INPP4A: variants seen among roughly 807,000 people sequenced by gnomAD.
The protein encoded by INPP4A is inositol polyphosphate-4-phosphatase, type I, 107kD.
Under a neutral mutation model 119.8 loss-of-function variants are expected in INPP4A, and 33 were observed. That is an observed-to-expected ratio of 0.28 (90% CI 0.21 to 0.37). INPP4A has a LOEUF of 0.37. Ranked by LOEUF, INPP4A falls within the 10% of genes least tolerant of loss-of-function variation. The pLI is 1.00. For missense variants in INPP4A, 956 were observed against 1,289.9 expected (o/e 0.74, Z 3.97); for synonymous variants, 496 against 500.7 (o/e 0.99, Z 0.12).
chr2:98,563,535 G>C lies in INPP4A; in HGVS notation c.1926G>C (p.Lys642Asn). 6.2e-7 allele frequency: 1 copy of C among 1,613,944 alleles called. No homozygotes were observed. ...LTDCVAMMSD[K>N]AKKAMVFLLM... is the part of the protein sequence containing the mutation. Reference sequence around the variant, plus strand: ...ACTGCGTGGCCATGATGAGTGACAAGGCCAAGAAGGCCATGGTATTCCTGC... The same window carrying C: ...ACTGCGTGGCCATGATGAGTGACAACGCCAAGAAGGCCATGGTATTCCTGC... The change falls in exon 18 of 25, where the codon AAG becomes AAC. Residue 642 changes from lysine (K) to asparagine (N), a missense_variant. By Grantham distance (94) the Lys-to-Asn change is moderately conservative. Coordinates refer to ENST00000409851, the MANE Select transcript of INPP4A (RefSeq NM_001134225.2).
intron 15 of INPP4A, 72 bp from the exon 16 acceptor site, chr2:98,555,481 C>G (rs913041921): frequency 6.7e-7 from 1 of 1,498,386 alleles, no homozygotes; most frequent in Non-Finnish European, 9.0e-7. Context: ...CAGTGGAGGG[C>G]GATTTGGTTT....
intron 4 of INPP4A, among the ~76,000 whole-genome samples, chr2:98,522,286 C>CAAA (rs199634396): frequency 2.3e-4 from 13 of 56,308 alleles, no homozygotes; most frequent in Admixed American, 5.8e-4. Context: ...GACTCTGTCT[C>CAAA]AAAAAAAAAA....
At chr2:98,563,444 A>T in intron 17 of INPP4A, 21 bp from the exon 18 acceptor site, 1 of 1,604,878 alleles carries the variant, frequency 6.2e-7, no homozygotes, top group Non-Finnish European at 8.5e-7. Context: ...CATTGTGATG[A>T]CCCCTTCGCT....
rs1048858003 is a variant in INPP4A, at chr2:98,559,126, T to C, written c.1823-337T>C. ...GCGGGGCTCTGCCACTACAATGTGA[T>C]TTATGTGGGTGCTTTTTTCTGTGGC... On this transcript the variant is annotated intron_variant, in intron 16 of 24. Coordinates refer to ENST00000409851, the MANE Select transcript of INPP4A (RefSeq NM_001134225.2). Among the ~76,000 whole-genome samples the C allele has an allele frequency of 1.1e-4, 16 of 152,346 alleles. No homozygotes were observed. In the East Asian group the frequency reaches 3.1e-3, roughly 29 times the overall value.
chr2:98,548,283 A>G (rs1039221558), intron 13 of INPP4A, among the ~76,000 whole-genome samples: 7 of 152,206 alleles, frequency 4.6e-5, no homozygotes, highest in Admixed American at 2.0e-4. Context: ...ATTCATTCCC[A>G]GGGGTGCTTC....
chr2:98,542,829 T>A (rs1399618607), intron 10 of INPP4A, among the ~76,000 whole-genome samples: 2 of 152,006 alleles, frequency 1.3e-5, no homozygotes, highest in African/African-American at 4.8e-5. Flanking sequence ...CCCCTTCTGT[T>A]ACCCTGTGCC....
intron 1 of INPP4A, among the ~76,000 whole-genome samples, chr2:98,447,075 T>C (rs1204139323): frequency 6.6e-6 from 1 of 152,166 alleles, no homozygotes. Context: ...ACTGCCCCAC[T>C]GATCCCCAGC....
chr2:98,461,704 A>G (rs937958735), intron 1 of INPP4A, among the ~76,000 whole-genome samples: 7 of 152,182 alleles, frequency 4.6e-5, no homozygotes, highest in African/African-American at 1.7e-4. Flanking sequence ...TATGCTGTGT[A>G]TATGCCAGCA....
intron 1 of INPP4A, among the ~76,000 whole-genome samples, chr2:98,461,041 A>T (rs1482176231): frequency 1.3e-5 from 2 of 152,154 alleles, no homozygotes; most frequent in Non-Finnish European, 2.9e-5. Context: ...CATCTTCTCC[A>T]TAGCCACGCC....
chr2:98,548,172 C>T (rs767422031), intron 13 of INPP4A, among the ~76,000 whole-genome samples: 3 of 152,104 alleles, frequency 2.0e-5, no homozygotes, highest in Admixed American at 1.3e-4. Flanking sequence ...CATTCAGATA[C>T]GTGCACAGGC....
At position 98,546,597 on chromosome 2, in the gene INPP4A, G is replaced by A. The variant is rs1180664445; in HGVS notation, c.1066G>A (p.Asp356Asn). 1.2e-6 allele frequency: 2 copies of A among 1,613,038 alleles called. No individual in the cohort carries two copies. Among genetic ancestry groups the A allele is most frequent in the African/African-American group, 2.7e-5 (2 of 74,900 alleles). ...TTTCTGTCATTCAGATCAGAACTAC[G>A]ACATCGTCACCATTGGGGCGCCAGC... ...QDDGGSDQNY[D>N]IVTIGAPAAH... Residue 356 changes from aspartate (D) to asparagine (N), a missense_variant, in exon 13 of 25, where the codon GAC becomes AAC. This residue lies in a region of INPP4A where 652 missense variants were observed against 797.9 expected (regional missense o/e 0.82). Coordinates refer to ENST00000409851, the MANE Select transcript of INPP4A (RefSeq NM_001134225.2). The surrounding 1 kb of genome is among the most constrained non-coding windows in gnomAD (Gnocchi z 4.2).
At chr2:98,581,959 C>A in intron 24 of INPP4A, 1 of 824,780 alleles carries the variant, frequency 1.2e-6, no homozygotes, top group Non-Finnish European at 1.8e-6. Context: ...GTTTGTTTAG[C>A]TCCTGTAGCA....
At chr2:98,544,058 C>T (rs551609680) in intron 11 of INPP4A, 51 bp downstream of exon 11, 8 of 1,497,448 alleles carry the variant, frequency 5.3e-6, no homozygotes, top group East Asian at 2.5e-5. Context: ...CACACACACA[C>T]ACACACTCTC....
chr2:98,555,904 T>C lies in INPP4A; in HGVS notation c.1822+96T>C, dbSNP rs148798677. 7.9e-6 allele frequency: 11 copies of C among 1,395,254 alleles called. No homozygotes were observed. The South Asian group carries it at 1.3e-4, about 16-fold the overall frequency. The allele number at this position is 1,395,254 out of a possible 1,614,324, so 86.4% of individuals were successfully genotyped here. ...TCTGACTCCATGCCCTCCTCCCCCA[T>C]GCAGACTGCAGGGAGGGCTGCCAGG... On this transcript the variant is annotated intron_variant, in intron 16 of 24. Coordinates refer to ENST00000409851, the MANE Select transcript of INPP4A (RefSeq NM_001134225.2).
intron 1 of INPP4A, among the ~76,000 whole-genome samples, chr2:98,494,624 TAA>T (rs796986081): frequency 7.4e-6 from 1 of 134,332 alleles, no homozygotes. Context: ...AAGGGTGTTC[TAA>T]AAAAAAAAAA....
chr2:98,448,656 G>A (rs979863488), intron 1 of INPP4A, among the ~76,000 whole-genome samples: 3 of 151,602 alleles, frequency 2.0e-5, no homozygotes, highest in Non-Finnish European at 4.4e-5. Flanking sequence ...CACTTCTGGC[G>A]GGAGTAGCAC....
chr2:98,448,776 C>G (rs1694724455), intron 1 of INPP4A, among the ~76,000 whole-genome samples: 1 of 150,672 alleles, frequency 6.6e-6, no homozygotes, highest in South Asian at 2.1e-4. Context: ...GCCATGGCAG[C>G]TCACTACAGC....
intron 1 of INPP4A, among the ~76,000 whole-genome samples, chr2:98,488,848 G>A (rs552294940): frequency 6.6e-6 from 1 of 152,156 alleles, no homozygotes; most frequent in Admixed American, 6.5e-5. Context: ...AGTAGGGAGT[G>A]TTGTGAAAGT....
At position 98,533,399 on chromosome 2, in the gene INPP4A, A is replaced by G. The variant is rs1217183312; in HGVS notation, c.174A>G (p.Pro58=). 18 of 1,613,090 alleles carry G rather than the reference A, an allele frequency of 1.1e-5. No homozygotes were observed. The highest frequency in any genetic ancestry group is 3.3e-5 in the Admixed American group (2 of 60,008). The change falls in exon 5 of 25, where the codon CCA becomes CCG. Residue 58 remains proline (P), a synonymous_variant. Coordinates refer to ENST00000409851, the MANE Select transcript of INPP4A (RefSeq NM_001134225.2). ...TAGCTTGCAGTGAGCTGCATACTCC[A>G]TCGCTAGATCGAAAGCCAAATAGTT... ...FSLACSELHT[P]SLDRKPNSFV...
Sources: allele counts gnomAD v4.1 joint callset (sites outside exome capture counted in the v4.1 genomes callset), GRCh38; gene constraint gnomAD v4.1.1; regional missense constraint gnomAD v4.1.1; non-coding constraint Gnocchi (gnomAD v3.1); transcripts MANE v1.5; gene names NCBI Gene and HGNC (gene_info 2026-07-23, HGNC 2026-07-21).